The following SFXN4 variants were observed in gnomAD, a reference collection of about 807,000 sequenced individuals.
The protein encoded by SFXN4 is sideroflexin 4.
SFXN4 carries 48 observed loss-of-function variants against 54.6 expected under a neutral mutation model. That is an observed-to-expected ratio of 0.88 (90% CI 0.70 to 1.12). The LOEUF is 1.12. SFXN4 is among the 50% of genes most tolerant of loss of function. SFXN4 has a pLI of 0.00. For synonymous variants in SFXN4, 130 were observed against 145.5 expected, an observed-to-expected ratio of 0.89 and a Z score of 0.77; for missense variants, 383 against 409.2, an observed-to-expected ratio of 0.94 and a Z score of 0.55.
intron 11 of SFXN4, among the ~76,000 whole-genome samples, chr10:119,151,237 C>T (rs919480859): frequency 6.6e-6 from 1 of 151,980 alleles, no homozygotes; most frequent in Non-Finnish European, 1.5e-5. Context: ...GGCGCAGTGG[C>T]GCATACCTAT....
Position 119,162,341 on chromosome 10 carries a change from C to T in SFXN4, c.251G>A (p.Arg84Lys). 6.2e-7 allele frequency: 1 copy of T among 1,614,056 alleles called. No homozygotes were observed. The highest frequency in any genetic ancestry group is 2.2e-5 in the East Asian group (1 of 44,884). The change falls in exon 3 of 14, where the codon AGG becomes AAG. Residue 84 changes from arginine to lysine, a missense_variant and splice_region_variant. Coordinates refer to ENST00000355697, the MANE Select transcript of SFXN4 (RefSeq NM_213649.2). ...DVSSPASADQRIQEAWKRSLA... is the reference protein window; with the variant it reads ...DVSSPASADQKIQEAWKRSLA... ...CAGACCTGAGCACGTGAAACATACC[C>T]TTTGGTCCGCCGAGGCAGGGCTGGA...
At chr10:119,141,567 G>A (rs1392229198) in intron 13 of SFXN4, among the ~76,000 whole-genome samples, 5 of 143,058 alleles carry the variant, frequency 3.5e-5, no homozygotes, top group Non-Finnish European at 7.5e-5. Flanking sequence ...CTGGAGTGCA[G>A]TGGCACCATC....
intron 13 of SFXN4, 80 bp downstream of exon 13, chr10:119,146,156 T>C (rs914186737): frequency 2.4e-6 from 2 of 827,434 alleles, no homozygotes; most frequent in African/African-American, 3.4e-5. Context: ...CTTTGCAGAG[T>C]TTTAAGAAGA....
chr10:119,143,897 T>C (rs1042687803), intron 13 of SFXN4, among the ~76,000 whole-genome samples: 1 of 152,296 alleles, frequency 6.6e-6, no homozygotes. Context: ...ATTACAGACA[T>C]GAGCCACCGT....
intron 6 of SFXN4, among the ~76,000 whole-genome samples, chr10:119,158,659 G>A (rs1471657118): frequency 6.7e-6 from 1 of 148,640 alleles, no homozygotes; most frequent in Non-Finnish European, 1.5e-5. Context: ...CATTTGCTAG[G>A]GAAAGCAGAC....
At chr10:119,160,836 G>A (rs1847497780) in intron 5 of SFXN4, 79 bp downstream of exon 5, 5 of 1,437,090 alleles carry the variant, frequency 3.5e-6, no homozygotes, top group Admixed American at 3.4e-5. Context: ...CTGACCCCAG[G>A]TGATCCGGCA....
chr10:119,158,398 A>T (rs61874348), intron 6 of SFXN4, among the ~76,000 whole-genome samples: 3,888 of 152,058 alleles, frequency 0.026, 68 homozygotes, highest in Non-Finnish European at 0.038. Context: ...AGGTGGGAGG[A>T]TCACTTGAGG....
chr10:119,162,297 C>T (rs1051353489), intron 3 of SFXN4, 43 bp downstream of exon 3: 1 of 1,541,516 alleles, frequency 6.5e-7, no homozygotes, highest in Non-Finnish European at 9.0e-7. Flanking sequence ...GCAGGCAGAA[C>T]CATCTGAGGG....
In SFXN4 at chr10:119,159,777, G is replaced by T. The variant is rs774135053; in HGVS notation, c.335-24C>A. 5 of 1,613,912 alleles carry T rather than the reference G, an allele frequency of 3.1e-6. No individual in the cohort carries two copies. In the Admixed American group the frequency reaches 8.3e-5, roughly 27 times the overall value. On this transcript the variant is annotated intron_variant, in intron 5 of 13. Transcript: ENST00000355697. ...CGCTGGCAGGAAGAGAAGAGAGGAG[G>T]TGTCAGTGATCACAGTTGCCCAGGC...
At chr10:119,147,657 T>C (rs891525327) in intron 12 of SFXN4, 118 bp downstream of exon 12, 1 of 764,566 alleles carries the variant, frequency 1.3e-6, no homozygotes, top group Non-Finnish European at 2.3e-6. Flanking sequence ...GTGATGTGTG[T>C]TTATGGGAAG....
chr10:119,163,264 CTT>C (rs1847628761), intron 2 of SFXN4, among the ~76,000 whole-genome samples: 1 of 150,496 alleles, frequency 6.6e-6, no homozygotes, highest in South Asian at 2.1e-4. Flanking sequence ...GAGTTTCACT[CTT>C]GTCACCCAGG....
chr10:119,158,120 G>A, intron 6 of SFXN4, 58 bp from the exon 7 acceptor site: 2 of 1,519,794 alleles, frequency 1.3e-6, no homozygotes, highest in African/African-American at 1.4e-5. Flanking sequence ...AGAACTTGCA[G>A]TAGCAAAGAA....
intron 2 of SFXN4, among the ~76,000 whole-genome samples, chr10:119,162,761 G>A (rs1229083334): frequency 2.0e-5 from 3 of 147,794 alleles, no homozygotes; most frequent in Non-Finnish European, 4.5e-5. Flanking sequence ...TGTCTTATCA[G>A]TTCAGTCTTA....
intron 11 of SFXN4, among the ~76,000 whole-genome samples, chr10:119,154,177 CAA>C (rs575293435): frequency 2.0e-4 from 20 of 98,608 alleles, no homozygotes; most frequent in Non-Finnish European, 1.5e-4. Flanking sequence ...GACTCCGTCT[CAA>C]AAAAAAAAAA....
chr10:119,155,740 G>A (rs1192167230), intron 10 of SFXN4, among the ~76,000 whole-genome samples: 6 of 152,080 alleles, frequency 3.9e-5, no homozygotes, highest in African/African-American at 1.4e-4. Flanking sequence ...TGATCCACCC[G>A]CAATGGCCTC....
intron 2 of SFXN4, among the ~76,000 whole-genome samples, chr10:119,163,266 T>A (rs1847628856): frequency 2.6e-5 from 4 of 152,100 alleles, no homozygotes; most frequent in Admixed American, 2.0e-4. Context: ...GTTTCACTCT[T>A]GTCACCCAGG....
At chr10:119,156,638 C>A in intron 10 of SFXN4, 40 bp downstream of exon 10, 1 of 1,489,140 alleles carries the variant, frequency 6.7e-7, no homozygotes, top group South Asian at 1.2e-5. Context: ...ACCACAAAGA[C>A]ACCCCACCCA....
chr10:119,159,891 C>G, intron 5 of SFXN4, 138 bp from the exon 6 acceptor site: 1 of 868,376 alleles, frequency 1.2e-6, no homozygotes, highest in Admixed American at 2.1e-5. Context: ...TCCACTCATT[C>G]TTTGTTTTTC....
At chr10:119,152,854 T>A (rs1229344386) in intron 11 of SFXN4, among the ~76,000 whole-genome samples, 1 of 152,142 alleles carries the variant, frequency 6.6e-6, no homozygotes, top group Non-Finnish European at 1.5e-5. Flanking sequence ...ATACCCTGGC[T>A]GGCTAAGGGA....
Sources: gnomAD v4.1 joint callset for allele counts (sites outside exome capture counted in the v4.1 genomes callset) on GRCh38, gnomAD v4.1.1 for gene constraint, MANE v1.5 for transcripts, NCBI Gene and HGNC (gene_info 2026-07-23, HGNC 2026-07-21) for gene names.